The following TTLL11 variants were observed in gnomAD, a reference collection of about 807,000 sequenced individuals.
TTLL11 encodes tubulin tyrosine ligase like 11.
A neutral mutation model predicts 51.7 loss-of-function variants in TTLL11; 42 were observed. That is an observed-to-expected ratio of 0.81 (90% confidence interval 0.64 to 1.05). The LOEUF (loss-of-function observed/expected upper bound fraction) is 1.05, where lower values mean the gene tolerates loss of function less well. Ranked by LOEUF, TTLL11 falls within the 50% of genes least tolerant of loss-of-function variation. TTLL11 has a pLI of 0.00. For missense variants in TTLL11, 799 were observed against 940.4 expected (o/e 0.85, Z 1.97); for synonymous variants, 381 against 383.5 (o/e 0.99, Z 0.08).
At chr9:121,857,150 G>A (rs1266200592) in intron 8 of TTLL11, among the ~76,000 whole-genome samples, 1 of 152,206 alleles carries the variant, frequency 6.6e-6, no homozygotes, top group Non-Finnish European at 1.5e-5. Flanking sequence ...CCTTCCAGGA[G>A]TGAGGAAAAC....
chr9:121,949,806 C>A (rs777298031), intron 6 of TTLL11, among the ~76,000 whole-genome samples: 1 of 152,110 alleles, frequency 6.6e-6, no homozygotes, highest in Non-Finnish European at 1.5e-5. Context: ...TCTCTTAGCT[C>A]TTCTTTCCCT....
intron 6 of TTLL11, among the ~76,000 whole-genome samples, chr9:121,906,014 C>T (rs1839932658): frequency 6.6e-6 from 1 of 152,100 alleles, no homozygotes; most frequent in African/African-American, 2.4e-5. Context: ...CTACTGAGAT[C>T]ACAATAAAAT....
intron 7 of TTLL11, among the ~76,000 whole-genome samples, chr9:121,870,237 C>G (rs1292993237): frequency 1.3e-5 from 2 of 152,214 alleles, no homozygotes; most frequent in Non-Finnish European, 2.9e-5. Flanking sequence ...GTTTTCAGGA[C>G]TCAGCTCAAG....
intron 1 of TTLL11, among the ~76,000 whole-genome samples, chr9:122,047,519 C>G (rs1435622782): frequency 6.6e-6 from 1 of 151,796 alleles, no homozygotes; most frequent in African/African-American, 2.4e-5. Flanking sequence ...CATGCCCCCA[C>G]CCCCTCTCCC....
intron 1 of TTLL11, among the ~76,000 whole-genome samples, chr9:122,071,328 C>A (rs1049747084): frequency 3.7e-4 from 57 of 152,230 alleles, no homozygotes; most frequent in African/African-American, 1.3e-3. Flanking sequence ...AGCATGATAC[C>A]CAGGCAATGA....
intron 4 of TTLL11, among the ~76,000 whole-genome samples, chr9:121,982,717 C>CAAAAAAAAA (rs71371907): frequency 5.1e-5 from 5 of 97,430 alleles, no homozygotes; most frequent in African/African-American, 1.4e-4. Flanking sequence ...AACTCCAACT[C>CAAAAAAAAA]AAAAAAAAAA....
intron 8 of TTLL11, among the ~76,000 whole-genome samples, chr9:121,858,277 G>A (rs557138729): frequency 3.3e-5 from 5 of 152,278 alleles, no homozygotes; most frequent in African/African-American, 4.8e-5. Flanking sequence ...CAGGGAGCTC[G>A]GTGGTCATCT....
chr9:121,960,235 CTTCTTTTGCT>C (rs1842173844), intron 6 of TTLL11, among the ~76,000 whole-genome samples: 1 of 152,138 alleles, frequency 6.6e-6, no homozygotes, highest in Non-Finnish European at 1.5e-5. Context: ...GTATGACTTG[CTTCTTTTGCT>C]GTACCTCAAT....
At chr9:122,056,185 G>A (rs1232038098) in intron 1 of TTLL11, among the ~76,000 whole-genome samples, 3 of 152,130 alleles carry the variant, frequency 2.0e-5, no homozygotes, top group African/African-American at 7.2e-5. Flanking sequence ...AAGGTGACTC[G>A]GCTTTGCCCC....
intron 1 of TTLL11, among the ~76,000 whole-genome samples, chr9:122,077,477 T>C (rs953928908): frequency 4.0e-5 from 6 of 151,704 alleles, no homozygotes; most frequent in African/African-American, 1.2e-4. Context: ...AGAATAAAAA[T>C]AGAATATGTA....
chr9:121,841,677 T>G (rs1011126942), intron 8 of TTLL11, among the ~76,000 whole-genome samples: 3 of 150,752 alleles, frequency 2.0e-5, no homozygotes, highest in Non-Finnish European at 2.9e-5. Flanking sequence ...CACGAAGAAC[T>G]GTTACAGCAG....
chr9:121,881,598 C>A (rs1325424588), intron 6 of TTLL11, among the ~76,000 whole-genome samples: 1 of 152,210 alleles, frequency 6.6e-6, no homozygotes, highest in African/African-American at 2.4e-5. Flanking sequence ...GTGTTGAACA[C>A]AAAACCAGCT....
chr9:122,040,385 G>A (rs532292020), intron 1 of TTLL11: 2 of 984,096 alleles, frequency 2.0e-6, no homozygotes, highest in Admixed American at 6.2e-5. Flanking sequence ...GAGACAAAAG[G>A]GCCTGTTCTT....
chr9:121,839,666 TGGGCAAATTGGAAGAC>T (rs1335582428), intron 8 of TTLL11, among the ~76,000 whole-genome samples: 1 of 152,220 alleles, frequency 6.6e-6, no homozygotes, highest in African/African-American at 2.4e-5. Flanking sequence ...TATCCAAAGA[TGGGCAAATTGGAAGAC>T]GGGCAAATTG....
At chr9:122,024,426 T>C (rs1325138592) in intron 3 of TTLL11, among the ~76,000 whole-genome samples, 2 of 152,130 alleles carry the variant, frequency 1.3e-5, no homozygotes, top group Non-Finnish European at 2.9e-5. Flanking sequence ...TTGTAGACAT[T>C]GACAAGCTGA....
intron 1 of TTLL11, among the ~76,000 whole-genome samples, chr9:122,060,356 C>A (rs534526415): frequency 2.0e-5 from 3 of 152,290 alleles, no homozygotes; most frequent in African/African-American, 7.2e-5. Context: ...CTTATATGAG[C>A]CTTACCATCC....
At chr9:121,876,701 G>GTGGA (rs2131408234) in intron 6 of TTLL11, among the ~76,000 whole-genome samples, 1 of 152,338 alleles carries the variant, frequency 6.6e-6, no homozygotes, top group South Asian at 2.1e-4. Context: ...GAGGGGAAGG[G>GTGGA]TGGATGGTAT....
At chr9:121,866,233 AG>A (rs1838170829) in intron 7 of TTLL11, among the ~76,000 whole-genome samples, 1 of 152,220 alleles carries the variant, frequency 6.6e-6, no homozygotes, top group South Asian at 2.1e-4. Context: ...GAGAGAGAGA[AG>A]GGTTGTTAGC....
At chr9:121,859,426 G>C (rs1408219387) in intron 8 of TTLL11, among the ~76,000 whole-genome samples, 4 of 152,062 alleles carry the variant, frequency 2.6e-5, no homozygotes, top group Admixed American at 6.5e-5. Flanking sequence ...GCTTGAACCT[G>C]GGAGGCAGAG....
Sources: gnomAD v4.1 joint callset for allele counts (sites outside exome capture counted in the v4.1 genomes callset) on GRCh38, gnomAD v4.1.1 for gene constraint, MANE v1.5 for transcripts, NCBI Gene and HGNC (gene_info 2026-07-23, HGNC 2026-07-21) for gene names.